RAP1GDS1: variants seen among roughly 807,000 people sequenced by gnomAD.
RAP1GDS1 encodes the protein RAP1, GTP-GDP dissociation stimulator 1.
A neutral mutation model predicts 71.1 loss-of-function variants in RAP1GDS1; 35 were observed. The ratio of observed to expected loss-of-function variants is 0.49; its 90% CI spans 0.38 to 0.65. The LOEUF (loss-of-function observed/expected upper bound fraction) is 0.65, where lower values mean the gene tolerates loss of function less well. Among genes scored for constraint, RAP1GDS1 ranks in the 30% least tolerant of loss-of-function variants. The probability of loss-of-function intolerance (pLI) is 0.00; values close to 1 mark genes in which losing one functional copy is unlikely to be tolerated. For synonymous variants in RAP1GDS1, 229 were observed against 243.1 expected (o/e 0.94, Z 0.54); for missense variants, 663 against 706.1 (o/e 0.94, Z 0.69).
intron 12 of RAP1GDS1, among the ~76,000 whole-genome samples, chr4:98,427,179 T>C (rs1749736071): frequency 6.6e-6 from 1 of 152,114 alleles, no homozygotes; most frequent in Non-Finnish European, 1.5e-5. Context: ...CTCTTTATAA[T>C]TAAAACTCAG....
chr4:98,276,743 A>T (rs1038667299), intron 1 of RAP1GDS1, among the ~76,000 whole-genome samples: 1 of 152,200 alleles, frequency 6.6e-6, no homozygotes, highest in East Asian at 1.9e-4. Context: ...CATTTGCCCA[A>T]CCTGGAAAGG....
Position 98,352,608 on chromosome 4 carries a change from GTTGACATCTCAATAATACACATACATTT to G in RAP1GDS1, c.361+10_361+37del. ...AACATATGTTACGATAGCCGTAAGT[GTTGACATCTCAATAATACACATACATTT>G]TTAAGAATTATGATATTCAGACTAA... is the stretch of plus-strand genomic sequence containing the variant. On this transcript the variant is annotated splice_region_variant and intron_variant, in intron 4 of 14. Transcript: ENST00000408927. 1 of 1,613,224 alleles carries G rather than the reference GTTGACATCTCAATAATACACATACATTT, an allele frequency of 6.2e-7. No individual in the cohort carries two copies. The highest frequency in any genetic ancestry group is 8.5e-7 in the Non-Finnish European group (1 of 1,179,664).
At position 98,325,920 on chromosome 4, in the gene RAP1GDS1, T is replaced by A. The variant is rs1049334236; in HGVS notation, c.113-17219T>A. Among the ~76,000 whole-genome samples, 7 of 148,518 alleles carry A rather than the reference T, an allele frequency of 4.7e-5. No individual in the cohort carries two copies. In the South Asian group the frequency reaches 1.1e-3, roughly 23 times the overall value. On this transcript the variant is annotated intron_variant, in intron 2 of 14. Coordinates refer to ENST00000408927, the MANE Select transcript of RAP1GDS1 (RefSeq NM_001100427.2). ...ACATGTACCCTAAAACTTAAAGTAT[T>A]AAAAAAAAAAAGATTCAGTGTAGTT... is the stretch of plus-strand genomic sequence containing the variant.
intron 10 of RAP1GDS1, 127 bp downstream of exon 10, chr4:98,418,918 T>C: frequency 1.0e-6 from 1 of 996,910 alleles, no homozygotes; most frequent in East Asian, 3.1e-5. Flanking sequence ...GTCTTCACAT[T>C]GTTCACATTT....
At chr4:98,374,062 G>A (rs773205036) in intron 4 of RAP1GDS1, among the ~76,000 whole-genome samples, 3 of 151,992 alleles carry the variant, frequency 2.0e-5, no homozygotes, top group Non-Finnish European at 4.4e-5. Flanking sequence ...TTATTTTCAT[G>A]CTACCATTGA....
chr4:98,359,218 C>T (rs903744676), intron 4 of RAP1GDS1, among the ~76,000 whole-genome samples: 2 of 151,914 alleles, frequency 1.3e-5, no homozygotes, highest in Admixed American at 6.6e-5. Flanking sequence ...AGTGGGAATT[C>T]GTATTTGTTG....
intron 5 of RAP1GDS1, among the ~76,000 whole-genome samples, chr4:98,389,665 A>G (rs1387337540): frequency 6.6e-6 from 1 of 152,170 alleles, no homozygotes; most frequent in Non-Finnish European, 1.5e-5. Flanking sequence ...CCATAATTTC[A>G]AATATTACTG....
In RAP1GDS1 at chr4:98,343,919, G is replaced by A. The variant is rs1239584802; in HGVS notation, c.235+658G>A. ...AAAGCAATGTTTAAGCATATAAGAA[G>A]GCCGTACTATATATAATACCTTTAG... On this transcript the variant is annotated intron_variant, in intron 3 of 14. Coordinates refer to ENST00000408927, the MANE Select transcript of RAP1GDS1 (RefSeq NM_001100427.2). 2.6e-5 allele frequency among the ~76,000 whole-genome samples: 4 copies of A among 152,210 alleles called. No individual in the cohort carries two copies. In the East Asian group the frequency reaches 7.7e-4, roughly 29 times the overall value.
intron 2 of RAP1GDS1, among the ~76,000 whole-genome samples, chr4:98,319,581 G>A (rs1731468357): frequency 6.6e-6 from 1 of 151,956 alleles, no homozygotes; most frequent in Non-Finnish European, 1.5e-5. Flanking sequence ...AGGAGTTCAA[G>A]ACCAGACTGG....
chr4:98,342,075 G>A (rs1185625266), intron 2 of RAP1GDS1, among the ~76,000 whole-genome samples: 5 of 151,812 alleles, frequency 3.3e-5, no homozygotes, highest in Non-Finnish European at 5.9e-5. Flanking sequence ...AGATTTTAGC[G>A]CTCATAATGG....
chr4:98,276,752 G>A (rs900098202), intron 1 of RAP1GDS1, among the ~76,000 whole-genome samples: 4 of 152,188 alleles, frequency 2.6e-5, no homozygotes, highest in Non-Finnish European at 5.9e-5. Context: ...AACCTGGAAA[G>A]GGATTCCCTG....
Position 98,370,023 on chromosome 4 carries a change from T to C in RAP1GDS1, c.362-8994T>C, listed in dbSNP as rs1270465451. On this transcript the variant is annotated intron_variant, in intron 4 of 14. Transcript: ENST00000408927. ...CCTCCAGGTAAAAGTAATTTCCTTA[T>C]TTGTGCTTCCATTTTACTCTGAACA... Among the ~76,000 whole-genome samples, 3 of 152,210 alleles carry C rather than the reference T, an allele frequency of 2.0e-5. No homozygotes were observed. The East Asian group carries it at 5.8e-4, about 29-fold the overall frequency.
chr4:98,371,048 A>G (rs72688419), intron 4 of RAP1GDS1, among the ~76,000 whole-genome samples: 3,475 of 151,950 alleles, frequency 0.023, 57 homozygotes, highest in Non-Finnish European at 0.033. Flanking sequence ...TAGTTTTATC[A>G]GTTTTTGTTT....
chr4:98,310,348 A>G (rs958819811), intron 2 of RAP1GDS1, among the ~76,000 whole-genome samples: 2 of 152,154 alleles, frequency 1.3e-5, no homozygotes, highest in African/African-American at 2.4e-5. Flanking sequence ...CAGTGTCTAC[A>G]CTAGATCTTA....
intron 6 of RAP1GDS1, among the ~76,000 whole-genome samples, chr4:98,395,125 G>A (rs1430333274): frequency 3.3e-5 from 5 of 152,060 alleles, no homozygotes; most frequent in Admixed American, 2.0e-4. Flanking sequence ...AATTCTTGAT[G>A]TACATTCTTT....
At chr4:98,438,021 T>C (rs931459656) in intron 14 of RAP1GDS1, among the ~76,000 whole-genome samples, 1 of 152,108 alleles carries the variant, frequency 6.6e-6, no homozygotes, top group Non-Finnish European at 1.5e-5. Flanking sequence ...AGGAAGGGTG[T>C]TGAAGTCTCC....
At position 98,428,890 on chromosome 4, in the gene RAP1GDS1, C is replaced by T. The variant is rs540941449; in HGVS notation, c.1441-5046C>T. Among the ~76,000 whole-genome samples the T allele has an allele frequency of 1.2e-3, 176 of 152,320 alleles. 1 individual carries two copies. The South Asian group carries it at 0.018, about 16-fold the overall frequency. On this transcript the variant is annotated intron_variant, in intron 12 of 14. Transcript: ENST00000408927. ...ATTATACAAAAAATATACTTGCACA[C>T]ATGTTTATAGCAGCACAATTCACAA... is the stretch of plus-strand genomic sequence containing the variant.
In RAP1GDS1 at chr4:98,418,581, T is replaced by C. The variant is rs994449960; in HGVS notation, c.1040-76T>C. 14 of 1,279,194 alleles carry C rather than the reference T, an allele frequency of 1.1e-5. No homozygotes were observed. The African/African-American group carries it at 2.2e-4, about 20-fold the overall frequency. 79.2% of individuals were successfully genotyped at this position (1,279,194 alleles called of 1,614,324 possible). On this transcript the variant is annotated intron_variant, in intron 9 of 14. Coordinates refer to ENST00000408927, the MANE Select transcript of RAP1GDS1 (RefSeq NM_001100427.2). ...GCTCCATTTTCCCTAATGTAGATAATAGCCAGACATCAGTATTATAAAGTA... is the reference window on the plus strand; with the variant it reads ...GCTCCATTTTCCCTAATGTAGATAACAGCCAGACATCAGTATTATAAAGTA...
At chr4:98,394,044 A>G (rs1189535772) in intron 6 of RAP1GDS1, among the ~76,000 whole-genome samples, 4 of 152,210 alleles carry the variant, frequency 2.6e-5, no homozygotes, top group Non-Finnish European at 4.4e-5. Context: ...TTAGGAGAGT[A>G]CATAGAAGAA....
Sources: allele counts gnomAD v4.1 joint callset (sites outside exome capture counted in the v4.1 genomes callset), GRCh38; gene constraint gnomAD v4.1.1; transcripts MANE v1.5; gene names NCBI Gene and HGNC (gene_info 2026-07-23, HGNC 2026-07-21).